The following DPP6 variants were observed in gnomAD, a reference collection of about 807,000 sequenced individuals.
DPP6 encodes the protein dipeptidyl peptidase like 6, also known as A-type potassium channel modulatory protein DPP6.
DPP6 carries 69 observed loss-of-function variants against 122.6 expected under a neutral mutation model. The ratio of observed to expected loss-of-function variants is 0.56; its 90% CI spans 0.46 to 0.69. The LOEUF is 0.69. Ranked by LOEUF, DPP6 falls within the 30% of genes least tolerant of loss-of-function variation. The pLI, the probability that DPP6 is intolerant of heterozygous loss-of-function variation, is 0.00. For missense variants in DPP6, 928 were observed against 1,116.9 expected (o/e 0.83, Z 2.41); for synonymous variants, 418 against 433.1 (o/e 0.97, Z 0.43).
intron 1 of DPP6, among the ~76,000 whole-genome samples, chr7:154,336,745 G>A (rs1399906899): frequency 6.6e-6 from 1 of 152,196 alleles, no homozygotes; most frequent in Non-Finnish European, 1.5e-5. Flanking sequence ...CAACTGGAAG[G>A]GAGTTGGGCG....
At chr7:154,361,696 T>C (rs1811739486) in intron 1 of DPP6, among the ~76,000 whole-genome samples, 1 of 149,636 alleles carries the variant, frequency 6.7e-6, no homozygotes, top group Non-Finnish European at 1.5e-5. Flanking sequence ...TTTGTCCAAA[T>C]AAAAGGACGT....
chr7:154,318,026 A>G (rs1021899363), intron 1 of DPP6, among the ~76,000 whole-genome samples: 40 of 152,350 alleles, frequency 2.6e-4, no homozygotes, highest in African/African-American at 9.4e-4. Context: ...TGAAACTCCA[A>G]ATAACTTTTA....
chr7:154,004,357 G>T (rs1797817256), intron 1 of DPP6, among the ~76,000 whole-genome samples: 1 of 152,198 alleles, frequency 6.6e-6, no homozygotes, highest in Non-Finnish European at 1.5e-5. Flanking sequence ...ATCACTTCGT[G>T]TCAGGAACTG....
intron 1 of DPP6, among the ~76,000 whole-genome samples, chr7:154,191,026 A>G (rs1438438248): frequency 2.0e-5 from 3 of 152,246 alleles, no homozygotes; most frequent in Admixed American, 2.0e-4. Flanking sequence ...TTAATAGCCA[A>G]TAATAAAAGA....
intron 1 of DPP6, among the ~76,000 whole-genome samples, chr7:153,966,676 A>T (rs552009825): frequency 1.1e-4 from 17 of 148,706 alleles, no homozygotes; most frequent in East Asian, 2.0e-4. Context: ...ATATGTATAC[A>T]TGTGTTGGCT....
intron 1 of DPP6, among the ~76,000 whole-genome samples, chr7:154,223,190 G>A (rs1466610921): frequency 6.7e-6 from 1 of 148,832 alleles, no homozygotes; most frequent in Non-Finnish European, 1.5e-5. Context: ...TATGGCCAAG[G>A]AGAAGCAAAA....
At chr7:154,676,060 C>T (rs1838876365) in intron 7 of DPP6, among the ~76,000 whole-genome samples, 2 of 152,230 alleles carry the variant, frequency 1.3e-5, no homozygotes, top group Admixed American at 1.3e-4. Context: ...ATGGGGTGTG[C>T]TGTCTGGAGG....
intron 16 of DPP6, among the ~76,000 whole-genome samples, chr7:154,828,875 A>C (rs1452450732): frequency 2.0e-5 from 3 of 152,194 alleles, no homozygotes; most frequent in African/African-American, 7.2e-5. Flanking sequence ...AGTAGCCTAC[A>C]CACCTCAGAA....
intron 10 of DPP6, among the ~76,000 whole-genome samples, chr7:154,776,533 C>T (rs1245651074): frequency 6.6e-6 from 1 of 152,108 alleles, no homozygotes; most frequent in Admixed American, 6.5e-5. Flanking sequence ...TTTTCATTTT[C>T]CCGCCTGCCA....
intron 1 of DPP6, among the ~76,000 whole-genome samples, chr7:154,208,771 A>C (rs1327048726): frequency 6.8e-6 from 1 of 147,288 alleles, no homozygotes; most frequent in African/African-American, 2.5e-5. Flanking sequence ...AATTGAAGTA[A>C]AAAAAAAAAA....
At chr7:153,898,243 A>C (rs1477649656) in intron 1 of DPP6, among the ~76,000 whole-genome samples, 1 of 152,202 alleles carries the variant, frequency 6.6e-6, no homozygotes, top group African/African-American at 2.4e-5. Context: ...ACTTGAGTCT[A>C]GGAGTTTAAG....
the DPP6 span, among the ~76,000 whole-genome samples, chr7:153,777,937 G>A: frequency 1.4e-5 from 2 of 147,176 alleles, no homozygotes; most frequent in East Asian, 1.9e-4. Context: ...AATGGAATAC[G>A]AATTGTAACA....
At chr7:154,128,465 G>A (rs1454833589) in intron 1 of DPP6, among the ~76,000 whole-genome samples, 2 of 152,110 alleles carry the variant, frequency 1.3e-5, no homozygotes, top group Admixed American at 6.5e-5. Flanking sequence ...GCAGTGGTAC[G>A]ATCTCAGCTC....
At chr7:154,688,052 C>T (rs764650499) in intron 7 of DPP6, among the ~76,000 whole-genome samples, 5 of 152,232 alleles carry the variant, frequency 3.3e-5, no homozygotes, top group Admixed American at 6.5e-5. Flanking sequence ...CAACACCACA[C>T]GTTCTTACTA....
chr7:154,810,585 A>G (rs936146629), intron 16 of DPP6, among the ~76,000 whole-genome samples: 3 of 152,184 alleles, frequency 2.0e-5, no homozygotes, highest in African/African-American at 7.2e-5. Context: ...TATTGTGAAG[A>G]GATGACTCCA....
chr7:154,047,628 G>A (rs1317943685), upstream of DPP6, among the ~76,000 whole-genome samples: 6 of 151,488 alleles, frequency 4.0e-5, no homozygotes, highest in East Asian at 7.7e-4. Flanking sequence ...ACAGGAGTTC[G>A]TGCCTCCTCC....
intron 5 of DPP6, among the ~76,000 whole-genome samples, chr7:154,595,010 T>C (rs969557896): frequency 8.0e-6 from 1 of 124,834 alleles, no homozygotes; most frequent in Non-Finnish European, 1.8e-5. Context: ...AATTGTATCA[T>C]TGATTTTTTT....
rs374218191 is a variant in DPP6 at position 154,692,454 on chromosome 7, A to C, written c.762+23013A>C. Among the ~76,000 whole-genome samples, 64 of 152,340 alleles carry C rather than the reference A, an allele frequency of 4.2e-4. No homozygotes were observed. In the South Asian group the frequency reaches 0.013, roughly 31 times the overall value. On this transcript the variant is annotated intron_variant, in intron 7 of 25. Coordinates refer to ENST00000377770, the MANE Select transcript of DPP6 (RefSeq NM_130797.4). ...TGTTTGTTATGGTCCTCACTGGGGA[A>C]GGACCATGACTTTCCTTCCTCATGT...
At chr7:154,498,616 G>C (rs1410525438) in intron 3 of DPP6, among the ~76,000 whole-genome samples, 1 of 152,166 alleles carries the variant, frequency 6.6e-6, no homozygotes, top group Non-Finnish European at 1.5e-5. Flanking sequence ...GAGATTACAG[G>C]CGTGAGCCAC....
Sources: allele counts gnomAD v4.1 joint callset (sites outside exome capture counted in the v4.1 genomes callset), GRCh38; gene constraint gnomAD v4.1.1; transcripts MANE v1.5; gene names NCBI Gene and HGNC (gene_info 2026-07-23, HGNC 2026-07-21).